Variants in HPCAL4 observed in about 807,000 individuals in gnomAD.
The protein encoded by HPCAL4 is hippocalcin-like protein 4.
HPCAL4 carries 16 observed loss-of-function variants against 18.2 expected under a neutral mutation model. The observed-to-expected ratio is 0.88, with a 90% CI of 0.59 to 1.33. The LOEUF (loss-of-function observed/expected upper bound fraction) is 1.33, where lower values mean the gene tolerates loss of function less well. Among genes scored for constraint, HPCAL4 ranks in the 40% most tolerant of loss-of-function variants. The pLI, the probability that HPCAL4 is intolerant of heterozygous loss-of-function variation, is 0.00. For synonymous variants in HPCAL4, 80 were observed against 97.5 expected, an observed-to-expected ratio of 0.82 and a Z score of 1.06; for missense variants, 214 against 256.6, an observed-to-expected ratio of 0.83 and a Z score of 1.14.
intron 1 of HPCAL4, among the ~76,000 whole-genome samples, chr1:39,689,249 TTC>T (rs1307135193): frequency 6.6e-6 from 1 of 152,090 alleles, no homozygotes; most frequent in Non-Finnish European, 1.5e-5. Context: ...CAGGGGTTTT[TTC>T]TCTCTTATAG....
chr1:39,684,632 T>A, intron 1 of HPCAL4, 21 bp from the exon 2 acceptor site: 1 of 1,544,234 alleles, frequency 6.5e-7, no homozygotes, highest in Non-Finnish European at 8.7e-7. Flanking sequence ...GAGGGATTCC[T>A]CCGACTGGGT....
Position 39,681,951 on chromosome 1 carries a change from A to G in HPCAL4, c.*585T>C, listed in dbSNP as rs1025041863. Reference sequence around the variant, plus strand: ...GGCTGGAAGTTTGCCTCACAACCCTATGAGCTTCCAGAGGGCACAAGATGT... The same window carrying G: ...GGCTGGAAGTTTGCCTCACAACCCTGTGAGCTTCCAGAGGGCACAAGATGT... On this transcript the variant is annotated 3_prime_UTR_variant, in exon 4 of 4. Transcript: ENST00000372844. The G allele has an allele frequency of 1.2e-4, 19 of 153,570 alleles. No homozygotes were observed. Among genetic ancestry groups the G allele is most frequent in the African/African-American group, 3.9e-4 (16 of 41,434 alleles). The allele number at this position is 153,570 out of a possible 1,614,324, so 9.5% of individuals were successfully genotyped here.
chr1:39,682,459 G>A lies in HPCAL4; in HGVS notation c.*77C>T, dbSNP rs941850833. On this transcript the variant is annotated 3_prime_UTR_variant, in exon 4 of 4. Transcript: ENST00000372844. Reference sequence around the variant, plus strand: ...GGGGCTGGAGTGTCCCTCCTCCTGGGAGGCCAGCCAGAGAGGTCATCAGGT... The same window carrying A: ...GGGGCTGGAGTGTCCCTCCTCCTGGAAGGCCAGCCAGAGAGGTCATCAGGT... 293 of 1,437,374 alleles carry A rather than the reference G, an allele frequency of 2.0e-4. 1 individual carries two copies. The highest frequency in any genetic ancestry group is 2.7e-4 in the Non-Finnish European group (274 of 1,030,364). The allele number at this position is 1,437,374 out of a possible 1,614,324, so 89.0% of individuals were successfully genotyped here.
rs2090434 is a variant in HPCAL4, at chr1:39,684,900, C to A, written c.-8-289G>T. On this transcript the variant is annotated intron_variant, in intron 1 of 3. Coordinates refer to ENST00000372844, the MANE Select transcript of HPCAL4 (RefSeq NM_016257.4). Reference sequence around the variant, plus strand: ...CCTGCTCACACCTTTCATGGCTCCCCTGCCCACAGACTAAGGCCTTGACTC... The same window carrying A: ...CCTGCTCACACCTTTCATGGCTCCCATGCCCACAGACTAAGGCCTTGACTC... Among the ~76,000 whole-genome samples the A allele has an allele frequency of 5.9e-5, 9 of 152,222 alleles. 1 individual carries two copies. In the East Asian group the frequency reaches 1.2e-3, roughly 20 times the overall value.
chr1:39,688,405 A>G (rs1391349100), intron 1 of HPCAL4, among the ~76,000 whole-genome samples: 2 of 151,996 alleles, frequency 1.3e-5, no homozygotes, highest in African/African-American at 4.8e-5. Flanking sequence ...CCTTTGCCCT[A>G]GGTCTAACTT....
intron 3 of HPCAL4, 85 bp downstream of exon 3, chr1:39,683,852 C>A: frequency 2.4e-6 from 3 of 1,269,378 alleles, no homozygotes; most frequent in South Asian, 1.3e-5. Flanking sequence ...CAGGGAGGCC[C>A]CGAAGCCCGA....
chr1:39,687,262 G>A (rs917016710), intron 1 of HPCAL4, among the ~76,000 whole-genome samples: 4 of 152,178 alleles, frequency 2.6e-5, no homozygotes, highest in African/African-American at 9.7e-5. Context: ...GCCAGAGCAA[G>A]GATGCCTCTG....
chr1:39,689,586 C>A (rs983695093), intron 1 of HPCAL4, among the ~76,000 whole-genome samples: 5 of 152,230 alleles, frequency 3.3e-5, no homozygotes, highest in South Asian at 2.1e-4. Context: ...AGCTGTGGCC[C>A]TGCTGAACAT....
Position 39,686,563 on chromosome 1 carries a change from A to G in HPCAL4, c.-8-1952T>C, listed in dbSNP as rs114754468. Among the ~76,000 whole-genome samples the G allele has an allele frequency of 4.1e-3, 627 of 152,206 alleles. 2 individuals are homozygous for G. The highest frequency in any genetic ancestry group is 5.7e-3 in the Non-Finnish European group (389 of 68,002). On this transcript the variant is annotated intron_variant, in intron 1 of 3. Coordinates refer to ENST00000372844, the MANE Select transcript of HPCAL4 (RefSeq NM_016257.4). Reference sequence around the variant, plus strand: ...TTGATTGGATGTGGGAGTAAGAGGAACAGAGGAGTTGAGGCAGAGGCTCAG... The same window carrying G: ...TTGATTGGATGTGGGAGTAAGAGGAGCAGAGGAGTTGAGGCAGAGGCTCAG...
Position 39,688,022 on chromosome 1 carries a change from G to A in HPCAL4, c.-9+3284C>T, listed in dbSNP as rs532693893. Among the ~76,000 whole-genome samples the A allele has an allele frequency of 2.0e-3, 307 of 152,350 alleles. 4 individuals are homozygous for A. The highest frequency in any genetic ancestry group is 7.1e-3 in the African/African-American group (296 of 41,580). ...TGAGAGATAGGAGAAAACTGGCTCA[G>A]GGTTACACAGCAGGTCAGTGGGAGG... On this transcript the variant is annotated intron_variant, in intron 1 of 3. Coordinates refer to ENST00000372844, the MANE Select transcript of HPCAL4 (RefSeq NM_016257.4).
rs369649102 is a variant in HPCAL4 at position 39,685,281 on chromosome 1, C to A, written c.-8-670G>T. Among the ~76,000 whole-genome samples the A allele has an allele frequency of 2.6e-4, 39 of 152,296 alleles. No individual in the cohort carries two copies. In the East Asian group the frequency reaches 5.0e-3, roughly 20 times the overall value. On this transcript the variant is annotated intron_variant, in intron 1 of 3. Transcript: ENST00000372844. ...AGGCAGATGGTTGGTTACAAAGGGCCTCCAATCCATGCCAAGAAATTGGAG... is the reference window on the plus strand; with the variant it reads ...AGGCAGATGGTTGGTTACAAAGGGCATCCAATCCATGCCAAGAAATTGGAG...
At chr1:39,690,239 T>C (rs1429086236) in intron 1 of HPCAL4, among the ~76,000 whole-genome samples, 1 of 152,092 alleles carries the variant, frequency 6.6e-6, no homozygotes, top group East Asian at 1.9e-4. Context: ...CAGAAGGCTG[T>C]TCAAGTTCAT....
At position 39,686,225 on chromosome 1, in the gene HPCAL4, C is replaced by T. The variant is rs540095325; in HGVS notation, c.-8-1614G>A. On this transcript the variant is annotated intron_variant, in intron 1 of 3. Coordinates refer to ENST00000372844, the MANE Select transcript of HPCAL4 (RefSeq NM_016257.4). The stretch of plus-strand genomic sequence containing the variant: ...AATTCACTGAGTGTGGTGGTGCATG[C>T]CTGTAGTCCCAGATACTTGGGAGGC... Among the ~76,000 whole-genome samples, 31 of 151,138 alleles carry T rather than the reference C, an allele frequency of 2.1e-4. No individual in the cohort carries two copies. In the East Asian group the frequency reaches 4.9e-3, roughly 24 times the overall value.
chr1:39,684,128 TG>T lies in HPCAL4; in HGVS notation c.186del (p.Lys63SerfsTer73). On this transcript the variant is annotated frameshift_variant, in exon 3 of 4. Transcript: ENST00000372844. LOFTEE classifies it high-confidence loss of function. ...YIKFFPYGDA[S>X]KFAQHAFRTF... ...GTGCGGAAAGCGTGCTGCGCGAACT[TG>T]GAGGCGTCGCCGTAGGGGAAGAACT... is the stretch of plus-strand genomic sequence containing the variant. The T allele has an allele frequency of 6.2e-7, 1 of 1,612,420 alleles. No homozygotes were observed. The highest frequency in any genetic ancestry group is 8.5e-7 in the Non-Finnish European group (1 of 1,179,336).
At chr1:39,690,140 G>A (rs947762423) in intron 1 of HPCAL4, among the ~76,000 whole-genome samples, 2 of 152,064 alleles carry the variant, frequency 1.3e-5, no homozygotes, top group African/African-American at 2.4e-5. Flanking sequence ...AACCAACCCC[G>A]CCCCCCTCAG....
intron 1 of HPCAL4, among the ~76,000 whole-genome samples, chr1:39,686,313 T>G (rs967405222): frequency 3.3e-5 from 5 of 152,106 alleles, no homozygotes; most frequent in African/African-American, 1.2e-4. Flanking sequence ...ATGGCACCAC[T>G]GTACTACAGC....
intron 2 of HPCAL4, 110 bp downstream of exon 2, chr1:39,684,332 G>T: frequency 7.9e-7 from 1 of 1,271,834 alleles, no homozygotes; most frequent in Admixed American, 2.6e-5. Flanking sequence ...CTCCCACCCC[G>T]GGTGCCTCGC....
rs1646650128 is a variant in HPCAL4 at position 39,683,977 on chromosome 1, TC to T, written c.337del (p.Asp113ThrfsTer23). 1.2e-6 allele frequency: 2 copies of T among 1,613,760 alleles called. No individual in the cohort carries two copies. Among genetic ancestry groups the T allele is most frequent in the Non-Finnish European group, 1.7e-6 (2 of 1,179,906 alleles). ...CATCTCCAGGCGCGTGATGCGCCCG[TC>T]GCCGTCCAGGTCGTACATCTCAAAG... ...WAFEMYDLDG[D>X]GRITRLEMLE... is the part of the protein sequence containing the mutation. On this transcript the variant is annotated frameshift_variant, in exon 3 of 4. Coordinates refer to ENST00000372844, the MANE Select transcript of HPCAL4 (RefSeq NM_016257.4). LOFTEE classifies it high-confidence loss of function.
At position 39,681,403 on chromosome 1, in the gene HPCAL4, A is replaced by G. The variant is rs1646625499; in HGVS notation, c.*1133T>C. 1 of 152,186 alleles carries G rather than the reference A, an allele frequency of 6.6e-6. No homozygotes were observed. Among genetic ancestry groups the G allele is most frequent in the Non-Finnish European group, 1.5e-5 (1 of 68,038 alleles). 9.4% of individuals were successfully genotyped at this position (152,186 alleles called of 1,614,324 possible). A position where few individuals can be genotyped will look rare whatever the true frequency, so the allele number is the denominator to read the frequency against. On this transcript the variant is annotated 3_prime_UTR_variant, in exon 4 of 4. Coordinates refer to ENST00000372844, the MANE Select transcript of HPCAL4 (RefSeq NM_016257.4). ...CGAACTACCAAGATACGGAATATAC[A>G]CTAGTTTCACTCTTTGCAAACCTTG... is the stretch of plus-strand genomic sequence containing the variant.
Sources: gnomAD v4.1 joint callset for allele counts (sites outside exome capture counted in the v4.1 genomes callset) on GRCh38, gnomAD v4.1.1 for gene constraint, MANE v1.5 for transcripts, NCBI Gene and HGNC (gene_info 2026-07-23, HGNC 2026-07-21) for gene names.